The following HECW1 variants were observed in gnomAD, a reference collection of about 807,000 sequenced individuals.
The protein encoded by HECW1 is HECT, C2 and WW domain containing E3 ubiquitin protein ligase 1, also known as E3 ubiquitin-protein ligase HECW1.
In HECW1, 61 loss-of-function variants were observed where a neutral mutation model predicts 182.3. The ratio of observed to expected loss-of-function variants is 0.33; its 90% CI spans 0.27 to 0.41. The LOEUF (loss-of-function observed/expected upper bound fraction) is 0.41. Among genes scored for constraint, HECW1 ranks in the 10% least tolerant of loss-of-function variants. The pLI is 1.00. For missense variants in HECW1, 1,739 were observed against 2,108.9 expected (o/e 0.82, Z 3.44); for synonymous variants, 859 against 832.6 (o/e 1.03, Z -0.55).
intron 24 of HECW1, among the ~76,000 whole-genome samples, chr7:43,527,525 C>T (rs549610013): frequency 1.8e-4 from 27 of 152,240 alleles, no homozygotes; most frequent in African/African-American, 5.5e-4. Flanking sequence ...GAACGCTTGT[C>T]GATGGATTAG....
intron 2 of HECW1, among the ~76,000 whole-genome samples, chr7:43,126,067 C>CT (rs71008891): frequency 0.07 from 7,267 of 103,976 alleles, 215 homozygotes; most frequent in East Asian, 0.15. Flanking sequence ...TTTGTTCTCA[C>CT]TTTTTTTTTT....
At chr7:43,116,783 G>T (rs963225787) in intron 2 of HECW1, among the ~76,000 whole-genome samples, 6 of 152,144 alleles carry the variant, frequency 3.9e-5, no homozygotes, top group Non-Finnish European at 8.8e-5. Context: ...GCTCTGTGGG[G>T]TTTTCTTCAG....
chr7:43,497,195 A>G (rs921696536), intron 19 of HECW1, among the ~76,000 whole-genome samples: 1 of 152,152 alleles, frequency 6.6e-6, no homozygotes, highest in Non-Finnish European at 1.5e-5. Flanking sequence ...ATGAGAAGGC[A>G]TTGTCCCTTG....
intron 2 of HECW1, among the ~76,000 whole-genome samples, chr7:43,191,497 C>T (rs1793917055): frequency 6.6e-6 from 1 of 152,164 alleles, no homozygotes; most frequent in Non-Finnish European, 1.5e-5. Context: ...CATGTGTGTG[C>T]TTATAACTTG....
At chr7:43,207,304 C>T (rs902143485) in intron 2 of HECW1, among the ~76,000 whole-genome samples, 1 of 152,172 alleles carries the variant, frequency 6.6e-6, no homozygotes. Context: ...ACCTCAGCCA[C>T]CAAAGTGCTG....
In HECW1 at chr7:43,243,342, G is replaced by A. The variant is rs190901728; in HGVS notation, c.-31-533G>A. ...AGTTTATTGTGGTGACAGTCACTCC[G>A]CAGGACAACAAGTGGAAGGGGATGG... On this transcript the variant is annotated intron_variant, in intron 2 of 29. Transcript: ENST00000395891. The surrounding 1 kb of genome is among the most constrained non-coding windows in gnomAD (Gnocchi z 4.0). Among the ~76,000 whole-genome samples, 157 of 152,050 alleles carry A rather than the reference G, an allele frequency of 1.0e-3. 2 individuals carry two copies. The highest frequency in any genetic ancestry group is 3.7e-3 in the African/African-American group (151 of 41,362).
intron 5 of HECW1, among the ~76,000 whole-genome samples, chr7:43,321,013 C>T (rs1166428820): frequency 6.6e-6 from 1 of 152,174 alleles, no homozygotes; most frequent in East Asian, 1.9e-4. Flanking sequence ...ACTTGGGACC[C>T]TTTGGCTCAG....
chr7:43,163,945 T>C (rs1790822230), intron 2 of HECW1, among the ~76,000 whole-genome samples: 1 of 152,206 alleles, frequency 6.6e-6, no homozygotes, highest in Admixed American at 6.5e-5. Context: ...ATTTCTAGAA[T>C]CTCAGTCTAA....
chr7:43,533,838 A>C (rs1005544398), intron 24 of HECW1, among the ~76,000 whole-genome samples: 3 of 152,166 alleles, frequency 2.0e-5, no homozygotes, highest in African/African-American at 7.2e-5. Context: ...GGGTCTCCCA[A>C]GTCTGAAGCT....
intron 8 of HECW1, among the ~76,000 whole-genome samples, chr7:43,426,977 C>G (rs74659208): frequency 1.3e-5 from 2 of 151,916 alleles, no homozygotes; most frequent in Admixed American, 6.6e-5. Context: ...TCTACTATCT[C>G]TTTTTATTAA....
intron 27 of HECW1, 64 bp downstream of exon 27, chr7:43,550,655 C>T (rs2081782078): frequency 2.0e-6 from 3 of 1,486,882 alleles, no homozygotes; most frequent in South Asian, 2.4e-5. Context: ...GGGCCTCATC[C>T]TCCAGGCTCC....
chr7:43,562,005 A>G lies in HECW1; in HGVS notation c.*79A>G. 1 of 801,140 alleles carries G rather than the reference A, an allele frequency of 1.2e-6. No individual in the cohort carries two copies. Among genetic ancestry groups the G allele is most frequent in the South Asian group, 1.5e-5 (1 of 64,854 alleles). The allele number at this position is 801,140 out of a possible 1,614,324, so 49.6% of individuals were successfully genotyped here. ...GATGATCCCCTTTTCCCTTTCCCTT[A>G]ATCAACTCTCCTTTGATTTTGGTAT... On this transcript the variant is annotated 3_prime_UTR_variant, in exon 30 of 30. Coordinates refer to ENST00000395891, the MANE Select transcript of HECW1 (RefSeq NM_015052.5).
At chr7:43,153,879 G>A (rs1025699532) in intron 2 of HECW1, among the ~76,000 whole-genome samples, 1 of 152,160 alleles carries the variant, frequency 6.6e-6, no homozygotes, top group Admixed American at 6.5e-5. Flanking sequence ...GGCACTTCTA[G>A]GTACATGCCT....
chr7:43,530,384 C>CAT (rs2152946526), intron 24 of HECW1, among the ~76,000 whole-genome samples: 2 of 151,940 alleles, frequency 1.3e-5, no homozygotes, highest in East Asian at 3.9e-4. Context: ...AGTAAATAAA[C>CAT]ATAGTTTTAT....
rs755279803 is a variant in HECW1, at chr7:43,444,681, G to A, written c.1509G>A (p.Glu503=). 1.3e-5 allele frequency: 21 copies of A among 1,606,240 alleles called. No homozygotes were observed. The East Asian group carries it at 2.5e-4, about 19-fold the overall frequency. ...GCCGGGCTGGAAGGGAAGAAGAGGAGAAGGAGCAGGAGGAGGAGGGAGATG... is the reference window on the plus strand; with the variant it reads ...GCCGGGCTGGAAGGGAAGAAGAGGAAAAGGAGCAGGAGGAGGAGGGAGATG... ...TQSRAGREEE[E]KEQEEEGDVS... Residue 503 remains glutamate (E), a synonymous_variant, in exon 11 of 30, where the codon GAG becomes GAA. Coordinates refer to ENST00000395891, the MANE Select transcript of HECW1 (RefSeq NM_015052.5). This position sits in a 1 kb window ranked among gnomAD's most constrained non-coding sequence, Gnocchi z 4.3.
chr7:43,459,747 A>G (rs1314528782), intron 13 of HECW1, among the ~76,000 whole-genome samples: 1 of 152,198 alleles, frequency 6.6e-6, no homozygotes, highest in Non-Finnish European at 1.5e-5. Flanking sequence ...CATGTTGGCC[A>G]GGCTTGTCTC....
At chr7:43,540,272 A>G (rs1480407761) in intron 24 of HECW1, among the ~76,000 whole-genome samples, 1 of 152,188 alleles carries the variant, frequency 6.6e-6, no homozygotes, top group African/African-American at 2.4e-5. Context: ...ATTCACCACT[A>G]AATCCCCGAT....
At chr7:43,237,802 A>C (rs1032890968) in intron 2 of HECW1, among the ~76,000 whole-genome samples, 4 of 151,662 alleles carry the variant, frequency 2.6e-5, no homozygotes, top group African/African-American at 9.7e-5. Context: ...GATTTTGAAA[A>C]TAGAGGCAGA....
Position 43,561,899 on chromosome 7 carries a change from G to A in HECW1, c.4794G>A (p.Glu1598=). ...MLYEKLLTAV[E]ETSTFGLE ...ATGAAAAGCTGTTAACAGCAGTAGAGGAAACCAGCACCTTTGGACTTGAGT... is the reference window on the plus strand; with the variant it reads ...ATGAAAAGCTGTTAACAGCAGTAGAAGAAACCAGCACCTTTGGACTTGAGT... The change falls in exon 30 of 30, where the codon GAG becomes GAA. Residue 1598 remains glutamate (E), a synonymous_variant. Coordinates refer to ENST00000395891, the MANE Select transcript of HECW1 (RefSeq NM_015052.5). The A allele has an allele frequency of 6.2e-7, 1 of 1,612,678 alleles. No homozygotes were observed. The highest frequency in any genetic ancestry group is 8.5e-7 in the Non-Finnish European group (1 of 1,178,664).
Sources: gnomAD v4.1 joint callset for allele counts (sites outside exome capture counted in the v4.1 genomes callset) on GRCh38, gnomAD v4.1.1 for gene constraint, Gnocchi (gnomAD v3.1) non-coding constraint, MANE v1.5 for transcripts, NCBI Gene and HGNC (gene_info 2026-07-23, HGNC 2026-07-21) for gene names.